The following RALGPS2 variants were observed in gnomAD, a reference collection of about 807,000 sequenced individuals.
RALGPS2 encodes the protein Ral GEF with PH domain and SH3 binding motif 2.
RALGPS2 carries 43 observed loss-of-function variants against 86.8 expected under a neutral mutation model. The ratio of observed to expected loss-of-function variants is 0.50; its 90% CI spans 0.39 to 0.64. RALGPS2 has a LOEUF of 0.64. Ranked by LOEUF, RALGPS2 falls within the 30% of genes least tolerant of loss-of-function variation. RALGPS2 has a pLI of 0.00. For synonymous variants in RALGPS2, 243 were observed against 231.3 expected (o/e 1.05, Z -0.46); for missense variants, 536 against 694.6 (o/e 0.77, Z 2.57).
intron 8 of RALGPS2, among the ~76,000 whole-genome samples, chr1:178,837,378 C>A (rs992275141): frequency 7.9e-5 from 12 of 152,128 alleles, no homozygotes; most frequent in African/African-American, 2.9e-4. Flanking sequence ...CATCTGATCT[C>A]CTAGCTTTCT....
In RALGPS2 at chr1:178,851,025, T is replaced by C. The variant is rs1198429863; in HGVS notation, c.607+17475T>C. The C allele has an allele frequency of 2.7e-6, 3 of 1,098,512 alleles. No homozygotes were observed. The African/African-American group carries it at 4.8e-5, about 18-fold the overall frequency. The allele number at this position is 1,098,512 out of a possible 1,614,324, so 68.0% of individuals were successfully genotyped here. A position where few individuals can be genotyped will look rare whatever the true frequency, so the allele number is the denominator to read the frequency against. ...GGTAAAATTCATTTTAAAAACTTTCTGTGTAGAAATAAATTGTGCCAAGTA... is the reference window on the plus strand; with the variant it reads ...GGTAAAATTCATTTTAAAAACTTTCCGTGTAGAAATAAATTGTGCCAAGTA... On this transcript the variant is annotated intron_variant, in intron 8 of 19. Coordinates refer to ENST00000367635, the MANE Select transcript of RALGPS2 (RefSeq NM_152663.5).
At chr1:178,753,969 C>A (rs1453482186) in intron 1 of RALGPS2, among the ~76,000 whole-genome samples, 1 of 151,906 alleles carries the variant, frequency 6.6e-6, no homozygotes, top group African/African-American at 2.4e-5. Context: ...GTAGTTGGGA[C>A]TACAGGCGCC....
At chr1:178,828,415 A>G (rs1655855596) in intron 7 of RALGPS2, among the ~76,000 whole-genome samples, 1 of 152,212 alleles carries the variant, frequency 6.6e-6, no homozygotes, top group Non-Finnish European at 1.5e-5. Context: ...CTGAGTAGGC[A>G]GTTATAACAC....
At chr1:178,882,633 C>T (rs1037309543) in intron 10 of RALGPS2, among the ~76,000 whole-genome samples, 6 of 152,166 alleles carry the variant, frequency 3.9e-5, no homozygotes, top group Non-Finnish European at 7.3e-5. Context: ...CAGACAGACT[C>T]CGCAATATTA....
chr1:178,882,567 T>C (rs375203533), intron 10 of RALGPS2, among the ~76,000 whole-genome samples: 23 of 152,374 alleles, frequency 1.5e-4, no homozygotes, highest in African/African-American at 5.5e-4. Flanking sequence ...TCTTGTATTA[T>C]TCAATTATTT....
intron 1 of RALGPS2, among the ~76,000 whole-genome samples, chr1:178,762,544 C>G (rs1026330434): frequency 1.3e-5 from 2 of 152,090 alleles, no homozygotes; most frequent in Admixed American, 1.3e-4. Context: ...TAATAATAGC[C>G]GTTCTGACTG....
intron 8 of RALGPS2, among the ~76,000 whole-genome samples, chr1:178,857,037 A>T (rs1384427295): frequency 6.6e-6 from 1 of 152,186 alleles, no homozygotes; most frequent in Non-Finnish European, 1.5e-5. Context: ...ACATTATAGA[A>T]ACATGCATTG....
chr1:178,823,184 T>A (rs1455951732), intron 7 of RALGPS2, among the ~76,000 whole-genome samples: 1 of 152,218 alleles, frequency 6.6e-6, no homozygotes, highest in Non-Finnish European at 1.5e-5. Flanking sequence ...TAATTTTTAT[T>A]TTCCTTGAAG....
intron 10 of RALGPS2, among the ~76,000 whole-genome samples, chr1:178,879,940 T>A (rs1659169182): frequency 6.6e-6 from 1 of 152,158 alleles, no homozygotes; most frequent in Non-Finnish European, 1.5e-5. Context: ...ACAGTTTACA[T>A]CAAAACTGCT....
At chr1:178,783,091 T>C (rs1653471884) in intron 2 of RALGPS2, among the ~76,000 whole-genome samples, 1 of 151,998 alleles carries the variant, frequency 6.6e-6, no homozygotes. Flanking sequence ...TATGCCAAAG[T>C]CTCTAATGAA....
At chr1:178,897,520 A>G (rs1166566506) in intron 16 of RALGPS2, 144 bp from the exon 17 acceptor site, 4 of 624,612 alleles carry the variant, frequency 6.4e-6, no homozygotes, top group Non-Finnish European at 8.6e-6. Flanking sequence ...ATTTGAGATT[A>G]AGATTTCAGA....
chr1:178,837,674 C>CGGACAGTGGGTGCA (rs988261762), intron 8 of RALGPS2, among the ~76,000 whole-genome samples: 3 of 150,278 alleles, frequency 2.0e-5, no homozygotes, highest in Non-Finnish European at 4.4e-5. Context: ...TGGGGCTTGT[C>CGGACAGTGGGTGCA]GGACAGTGGG....
At chr1:178,883,981 T>G (rs1659370186) in intron 11 of RALGPS2, among the ~76,000 whole-genome samples, 1 of 150,906 alleles carries the variant, frequency 6.6e-6, no homozygotes, top group Non-Finnish European at 1.5e-5. Context: ...ACAGCAAGAC[T>G]CCATCTCAAA....
At chr1:178,877,400 G>T (rs1659049653) in intron 8 of RALGPS2, 98 bp from the exon 9 acceptor site, 1 of 1,513,244 alleles carries the variant, frequency 6.6e-7, no homozygotes, top group Non-Finnish European at 8.9e-7. Context: ...GTAGCGTACA[G>T]TGGAATATAT....
chr1:178,727,157 A>G (rs751348528), intron 1 of RALGPS2, among the ~76,000 whole-genome samples: 3 of 152,182 alleles, frequency 2.0e-5, no homozygotes, highest in Non-Finnish European at 1.5e-5. Context: ...TTTTAAGCGT[A>G]GTTCATTTTT....
intron 8 of RALGPS2, chr1:178,864,825 A>G (rs1658272200): frequency 3.6e-6 from 2 of 555,348 alleles, no homozygotes; most frequent in Admixed American, 8.5e-5. Context: ...TATTAATAAA[A>G]AACAATAGAA....
chr1:178,853,114 A>G (rs1657292859), intron 8 of RALGPS2: 1 of 985,220 alleles, frequency 1.0e-6, no homozygotes, highest in Non-Finnish European at 1.2e-6. Context: ...TAAGCCACAC[A>G]TTGTCATTCT....
chr1:178,748,256 G>A (rs1651451081), intron 1 of RALGPS2, among the ~76,000 whole-genome samples: 1 of 151,318 alleles, frequency 6.6e-6, no homozygotes, highest in African/African-American at 2.4e-5. Context: ...GGAGGTGGAG[G>A]TTGTGGTGAG....
chr1:178,898,206 A>G (rs535888385), intron 17 of RALGPS2, among the ~76,000 whole-genome samples: 1 of 152,204 alleles, frequency 6.6e-6, no homozygotes, highest in South Asian at 2.1e-4. Context: ...TTCACCCTGT[A>G]GAATTTTCCT....
Sources: gnomAD v4.1 joint callset for allele counts (sites outside exome capture counted in the v4.1 genomes callset) on GRCh38, gnomAD v4.1.1 for gene constraint, MANE v1.5 for transcripts, NCBI Gene and HGNC (gene_info 2026-07-23, HGNC 2026-07-21) for gene names.